The following BRSK2 variants were observed in gnomAD, a reference collection of about 807,000 sequenced individuals.
BRSK2 encodes the protein BR serine/threonine kinase 2.
In BRSK2, 19 loss-of-function variants were observed where a neutral mutation model predicts 83.3. The observed-to-expected ratio is 0.23, with a 90% CI of 0.16 to 0.33. The LOEUF (loss-of-function observed/expected upper bound fraction) is 0.33. Among genes scored for constraint, BRSK2 ranks in the 10% least tolerant of loss-of-function variants. BRSK2 has a pLI of 1.00. For missense variants in BRSK2, 798 were observed against 1,042.3 expected (o/e 0.77, Z 3.23); for synonymous variants, 519 against 435.4 (o/e 1.19, Z -2.39).
chr11:1,455,888 G>A lies in BRSK2; in HGVS notation c.1669-460G>A, dbSNP rs562298003. On this transcript the variant is annotated intron_variant, in intron 16 of 19. Coordinates refer to ENST00000528841, the MANE Select transcript of BRSK2 (RefSeq NM_001256627.2). ...GCCAGTGCCCAGCACCATAGGTCCC[G>A]CAACCAGTGGGAGTCCCAGGAAGCC... 5.3e-5 allele frequency among the ~76,000 whole-genome samples: 8 copies of A among 152,056 alleles called. 1 individual carries two copies. The highest frequency in any genetic ancestry group is 2.1e-4 in the South Asian group (1 of 4,806).
intron 1 of BRSK2, among the ~76,000 whole-genome samples, chr11:1,398,397 C>A (rs934487212): frequency 4.6e-5 from 7 of 152,102 alleles, no homozygotes; most frequent in African/African-American, 1.7e-4. Flanking sequence ...TTATCTTGTG[C>A]GGACAGAGGT....
chr11:1,398,429 G>A (rs1043782594), intron 1 of BRSK2, among the ~76,000 whole-genome samples: 2 of 152,136 alleles, frequency 1.3e-5, no homozygotes, highest in Non-Finnish European at 2.9e-5. Context: ...TACCCGCCCC[G>A]GGAAGGGTGG....
At chr11:1,456,243 C>A (rs1846519705) in intron 16 of BRSK2, 105 bp from the exon 17 acceptor site, 2 of 1,228,044 alleles carry the variant, frequency 1.6e-6, no homozygotes, top group African/African-American at 1.5e-5. Context: ...CCTGGGTGCT[C>A]ACAATGTGTG....
At chr11:1,442,969 G>A in intron 5 of BRSK2, 137 bp from the exon 6 acceptor site, 1 of 1,039,436 alleles carries the variant, frequency 9.6e-7, no homozygotes, top group Admixed American at 2.9e-5. Context: ...AGCCCGCCTG[G>A]GGATGCAGGG....
Position 1,438,502 on chromosome 11 carries a change from C to T in BRSK2, c.272+111C>T. 2 of 965,688 alleles carry T rather than the reference C, an allele frequency of 2.1e-6. No individual in the cohort carries two copies. Among genetic ancestry groups the T allele is most frequent in the Non-Finnish European group, 3.2e-6 (2 of 620,798 alleles). 59.8% of individuals were successfully genotyped at this position (965,688 alleles called of 1,614,324 possible). A position where few individuals can be genotyped will look rare whatever the true frequency, so the allele number is the denominator to read the frequency against. On this transcript the variant is annotated intron_variant, in intron 3 of 19. Coordinates refer to ENST00000528841, the MANE Select transcript of BRSK2 (RefSeq NM_001256627.2). The surrounding 1 kb of genome is among the most constrained non-coding windows in gnomAD (Gnocchi z 6.4). Reference sequence around the variant, plus strand: ...AGGGGCTGGAGGCCAGGGGCGCCTGCTGCATCCCAGCAGCCCTGGCCCTGC... The same window carrying T: ...AGGGGCTGGAGGCCAGGGGCGCCTGTTGCATCCCAGCAGCCCTGGCCCTGC...
chr11:1,443,556 A>G lies in BRSK2; in HGVS notation c.701A>G (p.His234Arg). ...LLEKVKRGVF[H>R]MPHFIPPDCQ... is the part of the protein sequence containing the mutation. ...GAGAAGGTGAAGCGGGGCGTGTTCC[A>G]CATGCCGCACTTTATCCCGCCCGAC... Residue 234 changes from histidine to arginine, a missense_variant, in exon 8 of 20, where the codon CAC becomes CGC. This residue lies in a region of BRSK2 where 145 missense variants were observed against 225.4 expected (regional missense o/e 0.64). Transcript: ENST00000528841. 6.2e-7 allele frequency: 1 copy of G among 1,610,508 alleles called. No individual in the cohort carries two copies. Among genetic ancestry groups the G allele is most frequent in the Non-Finnish European group, 8.5e-7 (1 of 1,178,848 alleles).
chr11:1,406,620 C>G (rs1273895397), intron 1 of BRSK2, among the ~76,000 whole-genome samples: 1 of 152,218 alleles, frequency 6.6e-6, no homozygotes, highest in Non-Finnish European at 1.5e-5. Context: ...TGCCAGCAAG[C>G]CCCAGGCTCT....
At position 1,438,874 on chromosome 11, in the gene BRSK2, G is replaced by A. The variant is rs542026619; in HGVS notation, c.272+483G>A. ...GAGTGTGGCTGAAAGTGTCACCTCC[G>A]CAGCCGCTGAGGCCAGCAGAAATCC... is the stretch of plus-strand genomic sequence containing the variant. On this transcript the variant is annotated intron_variant, in intron 3 of 19. Transcript: ENST00000528841. This position sits in a 1 kb window ranked among gnomAD's most constrained non-coding sequence, Gnocchi z 6.4. Among the ~76,000 whole-genome samples, 500 of 152,256 alleles carry A rather than the reference G, an allele frequency of 3.3e-3. 7 individuals carry two copies. The highest frequency in any genetic ancestry group is 8.8e-4 in the Non-Finnish European group (60 of 68,002).
At chr11:1,421,553 A>G (rs1276940886) in intron 1 of BRSK2, among the ~76,000 whole-genome samples, 1 of 152,148 alleles carries the variant, frequency 6.6e-6, no homozygotes, top group Admixed American at 6.5e-5. Flanking sequence ...TTCTTTTCCA[A>G]CGTGAGCAGT....
In BRSK2 at chr11:1,417,084, G is replaced by T. The variant is rs779847776; in HGVS notation, c.92-18956G>T. 3.3e-5 allele frequency among the ~76,000 whole-genome samples: 5 copies of T among 152,152 alleles called. No individual in the cohort carries two copies. The South Asian group carries it at 8.3e-4, about 25-fold the overall frequency. ...TGAGGCAGGAGAATTGCTTGAGCCT[G>T]GGAGGTGGAGTTTGCGGTGAGCTGA... is the stretch of plus-strand genomic sequence containing the variant. On this transcript the variant is annotated intron_variant, in intron 1 of 19. Coordinates refer to ENST00000528841, the MANE Select transcript of BRSK2 (RefSeq NM_001256627.2).
intron 16 of BRSK2, among the ~76,000 whole-genome samples, chr11:1,455,486 C>T (rs1392884445): frequency 4.6e-5 from 7 of 152,184 alleles, no homozygotes; most frequent in Admixed American, 1.3e-4. Flanking sequence ...GCTCTGCCCC[C>T]GGGCACTCAG....
chr11:1,444,522 G>A (rs943586832), intron 8 of BRSK2, among the ~76,000 whole-genome samples: 5 of 152,042 alleles, frequency 3.3e-5, no homozygotes, highest in African/African-American at 9.7e-5. Flanking sequence ...CAGGTGGGCC[G>A]GGTTCTTCTG....
At chr11:1,441,612 A>G (rs1367710153) in intron 4 of BRSK2, among the ~76,000 whole-genome samples, 3 of 3,584 alleles carry the variant, frequency 8.4e-4, no homozygotes, top group Non-Finnish European at 4.9e-4. Context: ...CTCATTAGCT[A>G]CCCCTCAGGT....
At chr11:1,405,639 C>T (rs533694153) in intron 1 of BRSK2, among the ~76,000 whole-genome samples, 1 of 152,152 alleles carries the variant, frequency 6.6e-6, no homozygotes, top group Non-Finnish European at 1.5e-5. Flanking sequence ...CAGGCTTGGC[C>T]GTTGACCTTT....
chr11:1,414,039 G>C (rs566864769), intron 1 of BRSK2, among the ~76,000 whole-genome samples: 1 of 152,234 alleles, frequency 6.6e-6, no homozygotes, highest in East Asian at 1.9e-4. Flanking sequence ...ATATAACTGC[G>C]TTTTCTCCAT....
intron 8 of BRSK2, 22 bp downstream of exon 8, chr11:1,443,657 C>A: frequency 6.4e-7 from 1 of 1,550,404 alleles, no homozygotes. Context: ...CGGAGCGGGG[C>A]GGCCCCAGAG....
chr11:1,433,295 G>A (rs151234625), intron 1 of BRSK2, among the ~76,000 whole-genome samples: 2,151 of 152,280 alleles, frequency 0.014, 21 homozygotes, highest in South Asian at 0.031. Flanking sequence ...GCCCTTGGGG[G>A]CTTTGACCAC....
intron 1 of BRSK2, among the ~76,000 whole-genome samples, chr11:1,411,965 T>A (rs554691914): frequency 4.1e-4 from 62 of 152,168 alleles, no homozygotes; most frequent in African/African-American, 1.5e-3. Context: ...AGTCCTGCGG[T>A]GGGTGGAGTC....
At chr11:1,433,281 C>T (rs542789163) in intron 1 of BRSK2, among the ~76,000 whole-genome samples, 5 of 152,240 alleles carry the variant, frequency 3.3e-5, no homozygotes, top group Admixed American at 6.5e-5. Context: ...AATGCTGTCC[C>T]GGTGCCCTTG....
Sources: gnomAD v4.1 joint callset for allele counts (sites outside exome capture counted in the v4.1 genomes callset) on GRCh38, gnomAD v4.1.1 for gene constraint, gnomAD v4.1.1 regional missense constraint, Gnocchi (gnomAD v3.1) non-coding constraint, MANE v1.5 for transcripts, NCBI Gene and HGNC (gene_info 2026-07-23, HGNC 2026-07-21) for gene names.